Variants in IMMP2L observed in about 807,000 individuals in gnomAD.
IMMP2L encodes the protein mitochondrial inner membrane protease subunit 2.
IMMP2L carries 18 observed loss-of-function variants against 19.3 expected under a neutral mutation model. That is an observed-to-expected ratio of 0.93 (90% confidence interval 0.64 to 1.38). The LOEUF (loss-of-function observed/expected upper bound fraction) is 1.38, where lower values mean the gene tolerates loss of function less well. IMMP2L is among the 40% of genes most tolerant of loss of function. The pLI, the probability that IMMP2L is intolerant of heterozygous loss-of-function variation, is 0.00. For synonymous variants in IMMP2L, 76 were observed against 73.0 expected (o/e 1.04, Z -0.21); for missense variants, 233 against 218.2 (o/e 1.07, Z -0.43).
intron 5 of IMMP2L, among the ~76,000 whole-genome samples, chr7:110,730,709 T>C (rs142850019): frequency 0.013 from 2,053 of 152,180 alleles, 21 homozygotes; most frequent in Middle Eastern, 0.027. Flanking sequence ...GTATTTTCAG[T>C]AGAGACGGGG....
chr7:110,714,484 T>C (rs1795107768), intron 5 of IMMP2L, among the ~76,000 whole-genome samples: 1 of 152,206 alleles, frequency 6.6e-6, no homozygotes, highest in African/African-American at 2.4e-5. Flanking sequence ...GAAGAATTCC[T>C]CCTCCTCAAC....
chr7:110,915,201 A>G (rs1364085230), intron 4 of IMMP2L, among the ~76,000 whole-genome samples: 1 of 135,560 alleles, frequency 7.4e-6, no homozygotes, highest in Admixed American at 7.2e-5. Context: ...GTGTCCATCT[A>G]TAGATTATCA....
At chr7:111,173,440 T>C (rs1470052584) in intron 3 of IMMP2L, among the ~76,000 whole-genome samples, 1 of 151,654 alleles carries the variant, frequency 6.6e-6, no homozygotes, top group Non-Finnish European at 1.5e-5. Flanking sequence ...AGCTACTTAG[T>C]AAACTTTCTA....
chr7:111,371,905 G>A (rs1270199861), intron 3 of IMMP2L, among the ~76,000 whole-genome samples: 1 of 151,990 alleles, frequency 6.6e-6, no homozygotes, highest in East Asian at 1.9e-4. Flanking sequence ...CATCAAACAC[G>A]CACTTCAAAG....
chr7:111,169,928 T>C (rs980412424), intron 3 of IMMP2L, among the ~76,000 whole-genome samples: 1 of 151,914 alleles, frequency 6.6e-6, no homozygotes, highest in African/African-American at 2.4e-5. Context: ...CATGGTGGTA[T>C]TTGGTTATTT....
chr7:110,754,563 T>C (rs1282994618), intron 5 of IMMP2L, among the ~76,000 whole-genome samples: 1 of 152,064 alleles, frequency 6.6e-6, no homozygotes, highest in South Asian at 2.1e-4. Flanking sequence ...AAAGTTATTT[T>C]TGGGTCTAGG....
intron 4 of IMMP2L, among the ~76,000 whole-genome samples, chr7:110,929,586 C>A (rs1815250032): frequency 6.6e-6 from 1 of 152,150 alleles, no homozygotes; most frequent in Admixed American, 6.5e-5. Flanking sequence ...AGATAATGTG[C>A]TTCACTGAAA....
At chr7:111,503,522 G>A (rs1264559795) in intron 2 of IMMP2L, among the ~76,000 whole-genome samples, 7 of 152,086 alleles carry the variant, frequency 4.6e-5, no homozygotes, top group Non-Finnish European at 1.0e-4. Flanking sequence ...AACAAAAAAA[G>A]AGAATTTTAG....
intron 5 of IMMP2L, among the ~76,000 whole-genome samples, chr7:110,823,752 AAACT>A (rs1803230942): frequency 6.6e-6 from 1 of 152,134 alleles, no homozygotes; most frequent in African/African-American, 2.4e-5. Flanking sequence ...AATGCTATCA[AAACT>A]AACAGATGAA....
chr7:111,402,089 C>A (rs1314886770), intron 3 of IMMP2L, among the ~76,000 whole-genome samples: 1 of 149,332 alleles, frequency 6.7e-6, no homozygotes, highest in Admixed American at 6.7e-5. Context: ...CCACTGCACT[C>A]CAGGCTGGAC....
chr7:111,535,480 T>C (rs1252272071), intron 1 of IMMP2L, among the ~76,000 whole-genome samples: 2 of 152,120 alleles, frequency 1.3e-5, no homozygotes, highest in Non-Finnish European at 2.9e-5. Flanking sequence ...TGATTCTATA[T>C]GAGATATATC....
At chr7:111,054,846 A>C (rs61554899) in intron 3 of IMMP2L, among the ~76,000 whole-genome samples, 1 of 152,148 alleles carries the variant, frequency 6.6e-6, no homozygotes, top group African/African-American at 2.4e-5. Flanking sequence ...CGATGTGATA[A>C]ATTTAAAGAA....
chr7:110,730,471 T>C (rs754642498), intron 5 of IMMP2L, among the ~76,000 whole-genome samples: 1 of 152,170 alleles, frequency 6.6e-6, no homozygotes, highest in Non-Finnish European at 1.5e-5. Flanking sequence ...AAGGCTGCAC[T>C]GTCAGCTTCC....
Position 110,800,738 on chromosome 7 carries a change from C to T in IMMP2L, c.408+85855G>A, listed in dbSNP as rs563279411. Among the ~76,000 whole-genome samples the T allele has an allele frequency of 2.8e-4, 43 of 152,142 alleles. No individual in the cohort carries two copies. The South Asian group carries it at 8.7e-3, about 31-fold the overall frequency. Reference sequence around the variant, plus strand: ...GGACATGCGCACATTTTCTTGAAAACAGTGACAGGTTAGCATCATTTGACC... The same window carrying T: ...GGACATGCGCACATTTTCTTGAAAATAGTGACAGGTTAGCATCATTTGACC... On this transcript the variant is annotated intron_variant, in intron 5 of 5. Coordinates refer to ENST00000405709, the MANE Select transcript of IMMP2L (RefSeq NM_032549.4).
chr7:110,765,122 G>A (rs190805954), intron 5 of IMMP2L, among the ~76,000 whole-genome samples: 37 of 152,150 alleles, frequency 2.4e-4, no homozygotes, highest in Non-Finnish European at 4.7e-4. Flanking sequence ...AGAATAGATA[G>A]CAAAATCAAG....
intron 3 of IMMP2L, among the ~76,000 whole-genome samples, chr7:111,072,067 T>C (rs1414377704): frequency 6.6e-6 from 1 of 152,098 alleles, no homozygotes; most frequent in African/African-American, 2.4e-5. Flanking sequence ...TAAATAATGA[T>C]ACTAATAGCT....
chr7:111,449,344 CA>C (rs1838887414), intron 3 of IMMP2L, among the ~76,000 whole-genome samples: 1 of 120,848 alleles, frequency 8.3e-6, no homozygotes, highest in African/African-American at 3.5e-5. Flanking sequence ...AGCAGCACAT[CA>C]AAAAGCTTAT....
At chr7:111,094,388 G>A (rs937844202) in intron 3 of IMMP2L, among the ~76,000 whole-genome samples, 2 of 152,084 alleles carry the variant, frequency 1.3e-5, no homozygotes, top group Non-Finnish European at 2.9e-5. Flanking sequence ...CCTACTTCTA[G>A]CCTCAGTAAG....
intron 5 of IMMP2L, among the ~76,000 whole-genome samples, chr7:110,747,261 G>C (rs1368432533): frequency 1.3e-5 from 2 of 152,084 alleles, no homozygotes; most frequent in African/African-American, 4.8e-5. Context: ...ACAATTAATA[G>C]CCTACCAACC....
Sources: gnomAD v4.1 joint callset for allele counts (sites outside exome capture counted in the v4.1 genomes callset) on GRCh38, gnomAD v4.1.1 for gene constraint, MANE v1.5 for transcripts, NCBI Gene and HGNC (gene_info 2026-07-23, HGNC 2026-07-21) for gene names.